RNF150: variants seen among roughly 807,000 people sequenced by gnomAD.
RNF150 encodes ring finger protein 150.
A neutral mutation model predicts 39.3 loss-of-function variants in RNF150; 24 were observed. That is an observed-to-expected ratio of 0.61 (90% CI 0.44 to 0.86). The LOEUF (loss-of-function observed/expected upper bound fraction) is 0.86, where lower values mean the gene tolerates loss of function less well. RNF150 is among the 40% of genes least tolerant of loss of function. RNF150 has a pLI of 0.00. For missense variants in RNF150, 502 were observed against 587.8 expected, an observed-to-expected ratio of 0.85 and a Z score of 1.51; for synonymous variants, 255 against 227.3, an observed-to-expected ratio of 1.12 and a Z score of -1.10.
chr4:140,871,722 T>C (rs554805465), intron 6 of RNF150, among the ~76,000 whole-genome samples: 1 of 152,362 alleles, frequency 6.6e-6, no homozygotes, highest in Admixed American at 6.5e-5. Context: ...CAGTGACAGC[T>C]TCTCAACTTC....
chr4:141,066,356 G>C (rs2110933796), intron 1 of RNF150, among the ~76,000 whole-genome samples: 1 of 152,198 alleles, frequency 6.6e-6, no homozygotes, highest in Admixed American at 6.5e-5. Flanking sequence ...GGGTAGCAAT[G>C]TTTCAACAGG....
chr4:141,136,628 T>C (rs1727031301), upstream of RNF150, among the ~76,000 whole-genome samples: 1 of 152,198 alleles, frequency 6.6e-6, no homozygotes, highest in Non-Finnish European at 1.5e-5. Flanking sequence ...GATAAAAACA[T>C]CTCTGTATTT....
At position 141,123,938 on chromosome 4, in the gene RNF150, A is replaced by G. The variant is rs574077256; in HGVS notation, c.484+8387T>C. Among the ~76,000 whole-genome samples the G allele has an allele frequency of 3.4e-4, 51 of 152,152 alleles. 1 individual carries two copies. Among genetic ancestry groups the G allele is most frequent in the African/African-American group, 1.1e-3 (47 of 41,510 alleles). ...GGTGTGTATGTGCCACATTTTCTTA[A>G]TCCAGTCTATCATTGATGGATATTT... On this transcript the variant is annotated intron_variant, in intron 1 of 6. Coordinates refer to ENST00000515673, the MANE Select transcript of RNF150 (RefSeq NM_020724.2).
intron 1 of RNF150, among the ~76,000 whole-genome samples, chr4:141,011,688 T>C (rs1735080949): frequency 6.6e-6 from 1 of 152,226 alleles, no homozygotes; most frequent in African/African-American, 2.4e-5. Context: ...CTTGGCACAG[T>C]ACCAAGACAT....
At chr4:141,070,676 A>T (rs368770265) in intron 1 of RNF150, among the ~76,000 whole-genome samples, 2 of 140,718 alleles carry the variant, frequency 1.4e-5, no homozygotes, top group Middle Eastern at 3.5e-3. Context: ...TCAAAACCAC[A>T]ATGAGATACC....
chr4:141,183,167 G>A (rs2111190881), intron 1 of RNF150, among the ~76,000 whole-genome samples: 1 of 148,944 alleles, frequency 6.7e-6, no homozygotes, highest in African/African-American at 2.6e-5. Context: ...TTATGGTTAT[G>A]TGTAGAGAAG....
chr4:140,929,364 T>G (rs1033558588), intron 4 of RNF150, among the ~76,000 whole-genome samples: 2 of 134,352 alleles, frequency 1.5e-5, no homozygotes, highest in East Asian at 2.2e-4. Flanking sequence ...CTAAGTTTTT[T>G]TTTTTTTTTT....
At chr4:141,078,719 G>A (rs1391704271) in intron 1 of RNF150, among the ~76,000 whole-genome samples, 13 of 148,318 alleles carry the variant, frequency 8.8e-5, no homozygotes, top group Non-Finnish European at 1.8e-4. Context: ...GAACCCAGGC[G>A]GTGGAGCTTG....
At chr4:141,142,096 A>G (rs542947099) in intron 1 of RNF150, among the ~76,000 whole-genome samples, 3 of 151,922 alleles carry the variant, frequency 2.0e-5, no homozygotes, top group African/African-American at 7.2e-5. Flanking sequence ...AACGTTTTAT[A>G]CCTTCCCTCC....
intron 1 of RNF150, among the ~76,000 whole-genome samples, chr4:141,087,091 A>G (rs2110996813): frequency 6.6e-6 from 1 of 152,274 alleles, no homozygotes; most frequent in Admixed American, 6.5e-5. Context: ...TCAACCAGGT[A>G]TTAAGCTCAG....
chr4:140,870,425 A>G (rs543365775), intron 6 of RNF150, among the ~76,000 whole-genome samples: 26 of 151,838 alleles, frequency 1.7e-4, no homozygotes, highest in Non-Finnish European at 3.1e-4. Flanking sequence ...AGCTTGCTAT[A>G]TATGATCTCC....
At chr4:141,033,264 A>G (rs1560699976) in intron 1 of RNF150, among the ~76,000 whole-genome samples, 1 of 152,204 alleles carries the variant, frequency 6.6e-6, no homozygotes, top group Non-Finnish European at 1.5e-5. Flanking sequence ...AGCAGTTTCC[A>G]TTTCAAGAAA....
chr4:141,064,852 C>A (rs576059565), intron 1 of RNF150, among the ~76,000 whole-genome samples: 1 of 152,076 alleles, frequency 6.6e-6, no homozygotes, highest in East Asian at 1.9e-4. Flanking sequence ...CACTGAACAG[C>A]CTGACAATTT....
chr4:140,863,675 G>A lies in RNF150; in HGVS notation c.*4586C>T, dbSNP rs766325068. On this transcript the variant is annotated 3_prime_UTR_variant, in exon 7 of 7. Coordinates refer to ENST00000515673, the MANE Select transcript of RNF150 (RefSeq NM_020724.2). ...ACAAAGTAAGATATAGGCAGTCAGAGAAAAACAGATACAGACAGAAAAGGA... is the reference window on the plus strand; with the variant it reads ...ACAAAGTAAGATATAGGCAGTCAGAAAAAAACAGATACAGACAGAAAAGGA... 3.9e-5 allele frequency: 6 copies of A among 152,130 alleles called. No individual in the cohort carries two copies. The highest frequency in any genetic ancestry group is 8.8e-5 in the Non-Finnish European group (6 of 68,032). 9.4% of individuals were successfully genotyped at this position (152,130 alleles called of 1,614,324 possible).
chr4:140,991,387 T>C (rs1179334630), intron 1 of RNF150, among the ~76,000 whole-genome samples: 1 of 152,230 alleles, frequency 6.6e-6, no homozygotes. Context: ...TTTGTTGCAA[T>C]TGCTTTTGGT....
At chr4:141,108,062 A>G (rs1412890009) in intron 1 of RNF150, among the ~76,000 whole-genome samples, 3 of 152,190 alleles carry the variant, frequency 2.0e-5, no homozygotes, top group Non-Finnish European at 4.4e-5. Context: ...TGACTCTCCT[A>G]CAGTGGAGAT....
chr4:141,161,889 A>G (rs1727518204), intron 1 of RNF150, among the ~76,000 whole-genome samples: 1 of 152,220 alleles, frequency 6.6e-6, no homozygotes, highest in South Asian at 2.1e-4. Flanking sequence ...CAGAGGATGT[A>G]TGGAAAAGCA....
intron 1 of RNF150, among the ~76,000 whole-genome samples, chr4:141,035,013 A>G (rs116746723): frequency 4.3e-4 from 66 of 152,362 alleles, no homozygotes; most frequent in Middle Eastern, 3.4e-3. Context: ...CAAACTTTCA[A>G]TTTGTAAAAA....
chr4:141,195,719 T>G (rs1728191183), intron 1 of RNF150, among the ~76,000 whole-genome samples: 1 of 152,214 alleles, frequency 6.6e-6, no homozygotes, highest in Admixed American at 6.5e-5. Flanking sequence ...GAGAAAGATT[T>G]TATGCAATGT....
Sources: allele counts gnomAD v4.1 joint callset (sites outside exome capture counted in the v4.1 genomes callset), GRCh38; gene constraint gnomAD v4.1.1; transcripts MANE v1.5; gene names NCBI Gene and HGNC (gene_info 2026-07-23, HGNC 2026-07-21).